BCL2L11: variants seen among roughly 807,000 people sequenced by gnomAD.
BCL2L11 encodes the protein bcl-2-like protein 11.
In BCL2L11, 15 loss-of-function variants were observed where a neutral mutation model predicts 20.6. That is an observed-to-expected ratio of 0.73 (90% CI 0.49 to 1.12). The LOEUF is 1.12. BCL2L11 is among the 50% of genes most tolerant of loss of function. The pLI is 0.00. For missense variants in BCL2L11, 292 were observed against 260.9 expected (o/e 1.12, Z -0.82); for synonymous variants, 108 against 92.8 (o/e 1.16, Z -0.94).
chr2:111,137,595 C>T (rs1331999971), intron 2 of BCL2L11, among the ~76,000 whole-genome samples: 4 of 151,494 alleles, frequency 2.6e-5, no homozygotes, highest in African/African-American at 9.7e-5. Flanking sequence ...AGACCCTGCA[C>T]TGCAGGCATA....
At chr2:111,158,038 A>G (rs2150563498) in intron 3 of BCL2L11, among the ~76,000 whole-genome samples, 1 of 152,306 alleles carries the variant, frequency 6.6e-6, no homozygotes, top group Middle Eastern at 3.4e-3. Context: ...GTTGGGCAGT[A>G]TTGTAGCAAT....
In BCL2L11 at chr2:111,167,566, TC is replaced by T. The variant is rs1277643961; in HGVS notation, c.*3337del. 2.6e-5 allele frequency: 4 copies of T among 152,222 alleles called. No individual in the cohort carries two copies. The East Asian group carries it at 5.8e-4, about 22-fold the overall frequency. 9.4% of individuals were successfully genotyped at this position (152,222 alleles called of 1,614,324 possible). On this transcript the variant is annotated 3_prime_UTR_variant, in exon 4 of 4. Coordinates refer to ENST00000393256, the MANE Select transcript of BCL2L11 (RefSeq NM_138621.5). ...TAGAAAAGAAATAAAATGTGCCACT[TC>T]CAGAGGTGCTGCATTGCAGTTGTTC...
intron 1 of BCL2L11, 29 bp from the exon 2 acceptor site, chr2:111,123,704 A>C: frequency 2.2e-6 from 3 of 1,391,958 alleles, no homozygotes; most frequent in Non-Finnish European, 2.8e-6. Context: ...TTTTGCTTAA[A>C]ATAATCTTAG....
chr2:111,161,670 G>A, intron 3 of BCL2L11: 1 of 1,186,288 alleles, frequency 8.4e-7, no homozygotes, highest in Non-Finnish European at 1.1e-6. Flanking sequence ...TGCAATACAG[G>A]GATTGTCATC....
Position 111,164,256 on chromosome 2 carries a change from C to T in BCL2L11, c.*25C>T. The stretch of plus-strand genomic sequence containing the variant: ...ACAGGTTCTTTGCGGAGCCGAGATA[C>T]CATGCAGACATTTTGCTTGTTCAAA... On this transcript the variant is annotated 3_prime_UTR_variant, in exon 4 of 4. Transcript: ENST00000393256. The T allele has an allele frequency of 2.6e-6, 4 of 1,529,316 alleles. No individual in the cohort carries two copies. Among genetic ancestry groups the T allele is most frequent in the Non-Finnish European group, 2.7e-6 (3 of 1,102,724 alleles). 94.7% of individuals were successfully genotyped at this position (1,529,316 alleles called of 1,614,324 possible). A position where few individuals can be genotyped will look rare whatever the true frequency, so the allele number is the denominator to read the frequency against.
intron 1 of BCL2L11, among the ~76,000 whole-genome samples, chr2:111,121,435 G>A (rs962837017): frequency 4.6e-5 from 7 of 151,842 alleles, no homozygotes; most frequent in Admixed American, 2.0e-4. Flanking sequence ...GGCTTGGGAC[G>A]GGATGCTGCG....
intron 2 of BCL2L11, chr2:111,128,524 T>G (rs2073166347): frequency 7.3e-7 from 1 of 1,375,074 alleles, no homozygotes; most frequent in Non-Finnish European, 9.4e-7. Flanking sequence ...CATCATGCTG[T>G]TCTCCATAGA....
intron 2 of BCL2L11, chr2:111,128,715 A>G (rs1382822876): frequency 1.3e-6 from 2 of 1,550,480 alleles, no homozygotes; most frequent in East Asian, 2.4e-5. Flanking sequence ...ACCATAGTCA[A>G]GATACAGAAC....
At chr2:111,132,545 C>T (rs1207818126) in intron 2 of BCL2L11, among the ~76,000 whole-genome samples, 1 of 152,188 alleles carries the variant, frequency 6.6e-6, no homozygotes, top group Non-Finnish European at 1.5e-5. Flanking sequence ...TCTCATTATA[C>T]TTAGCCTGAT....
At chr2:111,123,694 T>G in intron 1 of BCL2L11, 39 bp from the exon 2 acceptor site, 1 of 1,381,458 alleles carries the variant, frequency 7.2e-7, no homozygotes, top group Non-Finnish European at 9.4e-7. Flanking sequence ...CGATTTTTTT[T>G]TTTGCTTAAA....
intron 2 of BCL2L11, chr2:111,144,497 A>C: frequency 6.4e-7 from 1 of 1,550,608 alleles, no homozygotes; most frequent in Non-Finnish European, 8.7e-7. Flanking sequence ...GCTAACTGGG[A>C]CTAGAAACAG....
chr2:111,130,033 G>A lies in BCL2L11; in HGVS notation c.394+5894G>A, dbSNP rs1313693570. ...TCACCTGTTGAAGGACACTGTGTTT[G>A]CATGTTCTGGCAAGGCCCTGGCACA... On this transcript the variant is annotated intron_variant, in intron 2 of 3. Transcript: ENST00000393256. The A allele has an allele frequency of 1.5e-5, 5 of 341,036 alleles. No homozygotes were observed. The East Asian group carries it at 4.4e-4, about 30-fold the overall frequency. 21.1% of individuals were successfully genotyped at this position (341,036 alleles called of 1,614,324 possible). A position where few individuals can be genotyped will look rare whatever the true frequency, so the allele number is the denominator to read the frequency against.
intron 2 of BCL2L11, among the ~76,000 whole-genome samples, chr2:111,129,212 T>C (rs1209149420): frequency 6.6e-6 from 1 of 152,248 alleles, no homozygotes; most frequent in African/African-American, 2.4e-5. Context: ...GCACATGCTT[T>C]CTCAGCACCT....
intron 2 of BCL2L11, 62 bp from the exon 3 acceptor site, chr2:111,149,982 G>T: frequency 6.8e-7 from 1 of 1,464,032 alleles, no homozygotes; most frequent in South Asian, 1.2e-5. Flanking sequence ...ACTTATCTTT[G>T]GAACTTTCCC....
chr2:111,127,001 GT>G (rs2072770530), intron 2 of BCL2L11, among the ~76,000 whole-genome samples: 1 of 98,318 alleles, frequency 1.0e-5, no homozygotes, highest in South Asian at 2.4e-4. Flanking sequence ...TATTAACACT[GT>G]TTTCATATTT....
chr2:111,162,604 C>T (rs2078695738), intron 3 of BCL2L11, among the ~76,000 whole-genome samples: 1 of 152,192 alleles, frequency 6.6e-6, no homozygotes, highest in Non-Finnish European at 1.5e-5. Flanking sequence ...CAAGTGTCAG[C>T]AGTTGGGGTC....
chr2:111,157,386 A>T (rs563355085), intron 3 of BCL2L11, among the ~76,000 whole-genome samples: 2 of 152,342 alleles, frequency 1.3e-5, no homozygotes, highest in South Asian at 2.1e-4. Context: ...CAAAGTGGAG[A>T]GGTTTTAGTT....
chr2:111,123,643 G>A (rs1314032938), intron 1 of BCL2L11, 90 bp from the exon 2 acceptor site: 2 of 1,269,098 alleles, frequency 1.6e-6, no homozygotes, highest in Admixed American at 7.0e-5. Flanking sequence ...TTAACCCTAA[G>A]AATTTTTAAT....
intron 3 of BCL2L11, among the ~76,000 whole-genome samples, chr2:111,159,551 C>G (rs6738281): frequency 0.026 from 3,970 of 152,328 alleles, 165 homozygotes; most frequent in African/African-American, 0.089. Flanking sequence ...TAGTTGTCTG[C>G]TGTTCAACCT....
Sources: allele counts gnomAD v4.1 joint callset (sites outside exome capture counted in the v4.1 genomes callset), GRCh38; gene constraint gnomAD v4.1.1; transcripts MANE v1.5; gene names NCBI Gene and HGNC (gene_info 2026-07-23, HGNC 2026-07-21).